ARL15: variants seen among roughly 807,000 people sequenced by gnomAD.
ARL15 encodes the protein ADP-ribosylation factor-like protein 15.
Under a neutral mutation model 25.2 loss-of-function variants are expected in ARL15, and 19 were observed. That is an observed-to-expected ratio of 0.75 (90% CI 0.53 to 1.10). The LOEUF is 1.10. Ranked by LOEUF, ARL15 falls within the 50% of genes least tolerant of loss-of-function variation. The pLI is 0.00. For synonymous variants in ARL15, 94 were observed against 86.8 expected (o/e 1.08, Z -0.46); for missense variants, 220 against 246.0 (o/e 0.89, Z 0.71).
chr5:53,958,868 A>G (rs1747261903), intron 4 of ARL15, among the ~76,000 whole-genome samples: 2 of 152,350 alleles, frequency 1.3e-5, no homozygotes, highest in Admixed American at 1.3e-4. Context: ...TAACAATTAT[A>G]AACACATATG....
At chr5:53,973,228 C>CAA (rs34239625) in intron 4 of ARL15, among the ~76,000 whole-genome samples, 2 of 151,712 alleles carry the variant, frequency 1.3e-5, no homozygotes, top group Admixed American at 6.6e-5. Context: ...TTTTTAACGT[C>CAA]AAAAAAATAC....
chr5:54,024,921 A>T (rs1442599717), intron 4 of ARL15, among the ~76,000 whole-genome samples: 4 of 152,236 alleles, frequency 2.6e-5, no homozygotes, highest in Non-Finnish European at 2.9e-5. Context: ...TTAATGTGGA[A>T]TAAACATTTC....
intron 1 of ARL15, among the ~76,000 whole-genome samples, chr5:54,181,403 C>A (rs2112429451): frequency 6.6e-6 from 1 of 152,274 alleles, no homozygotes; most frequent in South Asian, 2.1e-4. Flanking sequence ...TCATCTAGGT[C>A]AGTTTCAGAC....
intron 4 of ARL15, among the ~76,000 whole-genome samples, chr5:54,038,021 C>A (rs1750225683): frequency 1.3e-5 from 2 of 152,018 alleles, no homozygotes; most frequent in South Asian, 2.1e-4. Flanking sequence ...ATTGTCTAAT[C>A]AACACCTTGA....
chr5:53,904,125 G>C (rs1745163209), intron 4 of ARL15, among the ~76,000 whole-genome samples: 1 of 152,154 alleles, frequency 6.6e-6, no homozygotes, highest in Admixed American at 6.5e-5. Flanking sequence ...ATAGCACATA[G>C]AGCTATGATA....
intron 4 of ARL15, among the ~76,000 whole-genome samples, chr5:54,080,377 GC>G (rs1751758044): frequency 6.6e-6 from 1 of 152,140 alleles, no homozygotes; most frequent in Admixed American, 6.5e-5. Context: ...ACTTTTTCAA[GC>G]TTTTCATTTT....
At chr5:54,257,904 CA>C (rs1458803438) in intron 1 of ARL15, among the ~76,000 whole-genome samples, 15 of 151,984 alleles carry the variant, frequency 9.9e-5, no homozygotes, top group African/African-American at 3.6e-4. Context: ...TTATTACTGC[CA>C]TAACAAAAAC....
At chr5:54,222,151 A>G (rs1297340224) in intron 1 of ARL15, among the ~76,000 whole-genome samples, 2 of 152,368 alleles carry the variant, frequency 1.3e-5, no homozygotes, top group South Asian at 2.1e-4. Flanking sequence ...CATTTCTAAG[A>G]AGCACAATTC....
chr5:53,970,613 A>C (rs1747713103), intron 4 of ARL15, among the ~76,000 whole-genome samples: 1 of 152,212 alleles, frequency 6.6e-6, no homozygotes, highest in African/African-American at 2.4e-5. Flanking sequence ...TCTTGCCCTG[A>C]ACTACTCATC....
intron 4 of ARL15, among the ~76,000 whole-genome samples, chr5:54,072,060 AC>A (rs1407606363): frequency 2.0e-4 from 31 of 151,998 alleles, no homozygotes; most frequent in African/African-American, 7.2e-4. Context: ...GACATCCCAC[AC>A]CCACAAACCT....
intron 4 of ARL15, among the ~76,000 whole-genome samples, chr5:54,053,479 A>G (rs1030355338): frequency 6.6e-6 from 1 of 152,112 alleles, no homozygotes; most frequent in African/African-American, 2.4e-5. Flanking sequence ...CAAACAGTAG[A>G]GTATGAAAAA....
intron 4 of ARL15, among the ~76,000 whole-genome samples, chr5:54,015,113 CA>C (rs1284853088): frequency 6.6e-6 from 1 of 151,538 alleles, no homozygotes; most frequent in Non-Finnish European, 1.5e-5. Flanking sequence ...CCCAACATGG[CA>C]AAACCCCGTC....
chr5:54,067,921 A>T (rs1463971389), intron 4 of ARL15, among the ~76,000 whole-genome samples: 3 of 152,204 alleles, frequency 2.0e-5, no homozygotes, highest in African/African-American at 4.8e-5. Flanking sequence ...AAGTTTTTAT[A>T]GCATGTCACA....
chr5:54,207,032 T>C (rs986732959), intron 1 of ARL15, among the ~76,000 whole-genome samples: 3 of 152,254 alleles, frequency 2.0e-5, no homozygotes, highest in Non-Finnish European at 4.4e-5. Flanking sequence ...ATGCGTGAGA[T>C]GCTGTCATCC....
intron 1 of ARL15, among the ~76,000 whole-genome samples, chr5:54,189,878 T>C (rs567084410): frequency 6.6e-6 from 1 of 152,040 alleles, no homozygotes; most frequent in South Asian, 2.1e-4. Flanking sequence ...GTGTAAAAAG[T>C]TAGTCCATAG....
chr5:54,174,219 C>T (rs1754800486), intron 1 of ARL15, among the ~76,000 whole-genome samples: 1 of 152,108 alleles, frequency 6.6e-6, no homozygotes, highest in African/African-American at 2.4e-5. Flanking sequence ...TTAAATTTTA[C>T]CTAAGCAAAG....
At chr5:54,187,268 C>T (rs568183366) in intron 1 of ARL15, among the ~76,000 whole-genome samples, 4 of 152,312 alleles carry the variant, frequency 2.6e-5, no homozygotes, top group South Asian at 4.1e-4. Context: ...CTTGCTGGCT[C>T]TCATGCTGGG....
intron 1 of ARL15, among the ~76,000 whole-genome samples, chr5:54,234,648 C>CT (rs1017893088): frequency 1.3e-5 from 2 of 152,154 alleles, no homozygotes; most frequent in Non-Finnish European, 2.9e-5. Flanking sequence ...ATTTAAGGGA[C>CT]TTTGCTTTCC....
intron 4 of ARL15, among the ~76,000 whole-genome samples, chr5:53,987,337 T>A (rs998250423): frequency 9.9e-5 from 15 of 151,316 alleles, no homozygotes; most frequent in African/African-American, 3.6e-4. Context: ...TGGGGAGGGG[T>A]GTCTTGTATT....
Sources: allele counts gnomAD v4.1 joint callset (sites outside exome capture counted in the v4.1 genomes callset), GRCh38; gene constraint gnomAD v4.1.1; transcripts MANE v1.5; gene names NCBI Gene and HGNC (gene_info 2026-07-23, HGNC 2026-07-21).